Variants in TP63 observed in about 807,000 individuals in gnomAD.
TP63 encodes tumor protein p63, also known as tumor protein 63.
TP63 carries 17 observed loss-of-function variants against 82.8 expected under a neutral mutation model. That is an observed-to-expected ratio of 0.21 (90% CI 0.14 to 0.31). The LOEUF is 0.31. TP63 is among the 10% of genes least tolerant of loss of function. The pLI is 1.00. For synonymous variants in TP63, 330 were observed against 321.7 expected, an observed-to-expected ratio of 1.03 and a Z score of -0.28; for missense variants, 648 against 895.3, an observed-to-expected ratio of 0.72 and a Z score of 3.52.
intron 3 of TP63, 156 bp downstream of exon 3, chr3:189,738,930 G>A (rs911385708): frequency 6.3e-6 from 7 of 1,116,622 alleles, no homozygotes; most frequent in African/African-American, 3.1e-5. Flanking sequence ...AAGATTTGGT[G>A]TGGATTATGC....
rs77725082 is a variant in TP63 at position 189,685,794 on chromosome 3, C to T, written c.63-51946C>T. 6.2e-3 allele frequency among the ~76,000 whole-genome samples: 940 copies of T among 152,176 alleles called. 10 individuals carry two copies. Among genetic ancestry groups the T allele is most frequent in the African/African-American group, 0.022 (905 of 41,516 alleles). ...TTGTATCTTTCCAGTCATCTTACCC[C>T]AGACATGTAGGATGTGAATCAGAGG... is the stretch of plus-strand genomic sequence containing the variant. On this transcript the variant is annotated intron_variant, in intron 1 of 13. Transcript: ENST00000264731.
At chr3:189,668,288 T>C (rs116629195) in intron 1 of TP63, among the ~76,000 whole-genome samples, 5,875 of 152,116 alleles carry the variant, frequency 0.039, 144 homozygotes, top group Middle Eastern at 0.055. Context: ...CAGTATAAAA[T>C]TGAAAAAATT....
intron 4 of TP63, among the ~76,000 whole-genome samples, chr3:189,860,799 T>C (rs1241098487): frequency 1.3e-5 from 2 of 152,212 alleles, no homozygotes; most frequent in Non-Finnish European, 2.9e-5. Flanking sequence ...TGTACCACAC[T>C]GGGAATATCA....
intron 1 of TP63, among the ~76,000 whole-genome samples, chr3:189,701,662 GA>G (rs1014170692): frequency 1.3e-5 from 2 of 151,558 alleles, no homozygotes; most frequent in African/African-American, 4.8e-5. Context: ...AAATGGAGGG[GA>G]AAGTTCAAAA....
At chr3:189,770,308 G>A (rs1477355674) in intron 3 of TP63, among the ~76,000 whole-genome samples, 1 of 152,152 alleles carries the variant, frequency 6.6e-6, no homozygotes, top group Non-Finnish European at 1.5e-5. Context: ...GCCGGGTATG[G>A]TGACTCATGC....
chr3:189,777,498 C>CA (rs2108569698), intron 3 of TP63, among the ~76,000 whole-genome samples: 1 of 152,116 alleles, frequency 6.6e-6, no homozygotes, highest in Admixed American at 6.5e-5. Context: ...TGCCTGGCCT[C>CA]ACCCTGTTAT....
intron 3 of TP63, among the ~76,000 whole-genome samples, chr3:189,792,690 T>C (rs1480313735): frequency 6.6e-6 from 1 of 152,094 alleles, no homozygotes; most frequent in Non-Finnish European, 1.5e-5. Context: ...TATACGATCG[T>C]GTTCCCTTTA....
At chr3:189,637,125 C>A (rs1729833141) in intron 1 of TP63, among the ~76,000 whole-genome samples, 1 of 151,916 alleles carries the variant, frequency 6.6e-6, no homozygotes, top group African/African-American at 2.4e-5. Context: ...GCAATTTAGA[C>A]ACACCAATGA....
At chr3:189,795,732 G>A (rs1361251681) in intron 3 of TP63, among the ~76,000 whole-genome samples, 5 of 152,098 alleles carry the variant, frequency 3.3e-5, no homozygotes, top group Middle Eastern at 3.4e-3. Flanking sequence ...CACTAAGAGC[G>A]GAAACCTATA....
intron 1 of TP63, among the ~76,000 whole-genome samples, chr3:189,679,336 G>C (rs1715712177): frequency 6.6e-6 from 1 of 151,926 alleles, no homozygotes. Context: ...TCAGCTGTGA[G>C]GTGACATCTT....
At chr3:189,763,651 G>T (rs1722741557) in intron 3 of TP63, among the ~76,000 whole-genome samples, 1 of 152,142 alleles carries the variant, frequency 6.6e-6, no homozygotes, top group South Asian at 2.1e-4. Context: ...GTGGGGAGAG[G>T]TTATACTAGG....
intron 1 of TP63, among the ~76,000 whole-genome samples, chr3:189,682,720 A>G (rs1456344137): frequency 1.3e-5 from 2 of 151,780 alleles, no homozygotes; most frequent in Non-Finnish European, 2.9e-5. Context: ...GAACATTTCT[A>G]CTCAAAAGTA....
intron 3 of TP63, among the ~76,000 whole-genome samples, chr3:189,762,519 C>T (rs1722656433): frequency 6.6e-6 from 1 of 152,106 alleles, no homozygotes; most frequent in Non-Finnish European, 1.5e-5. Flanking sequence ...GACTGTGACT[C>T]ATTTTAAAAC....
chr3:189,793,938 C>G (rs1427063239), intron 3 of TP63, among the ~76,000 whole-genome samples: 1 of 151,982 alleles, frequency 6.6e-6, no homozygotes, highest in African/African-American at 2.4e-5. Context: ...CAATAGAGTA[C>G]TACATTTTGG....
intron 3 of TP63, among the ~76,000 whole-genome samples, chr3:189,779,242 A>G (rs76620542): frequency 0.014 from 2,201 of 152,252 alleles, 52 homozygotes; most frequent in African/African-American, 0.051. Context: ...TCCCTTTGTG[A>G]CATTATTACA....
At chr3:189,861,184 G>A (rs548957740) in intron 4 of TP63, among the ~76,000 whole-genome samples, 5 of 152,242 alleles carry the variant, frequency 3.3e-5, no homozygotes, top group African/African-American at 1.2e-4. Context: ...TTACAGGCAT[G>A]AGCCACTGTG....
the TP63 span, among the ~76,000 whole-genome samples, chr3:189,608,482 T>G: frequency 6.6e-6 from 1 of 152,132 alleles, no homozygotes; most frequent in Non-Finnish European, 1.5e-5. Context: ...CACAGAGAGA[T>G]AAGGCAATGG....
In TP63 at chr3:189,876,789, A is replaced by G. The variant is rs189709516; in HGVS notation, c.1349+3794A>G. ...AAATCTCCAAGAAAGAGCATGAATG[A>G]CTAAACAAAGAAAAACAAAAATCTA... is the stretch of plus-strand genomic sequence containing the variant. On this transcript the variant is annotated intron_variant, in intron 10 of 13. Coordinates refer to ENST00000264731, the MANE Select transcript of TP63 (RefSeq NM_003722.5). Among the ~76,000 whole-genome samples, 142 of 152,338 alleles carry G rather than the reference A, an allele frequency of 9.3e-4. 1 individual carries two copies. Among genetic ancestry groups the G allele is most frequent in the Non-Finnish European group, 5.9e-5 (4 of 68,020 alleles).
intron 12 of TP63, 98 bp from the exon 13 acceptor site, chr3:189,890,691 A>G (rs1446527877): frequency 2.4e-5 from 28 of 1,144,424 alleles, no homozygotes; most frequent in Non-Finnish European, 3.5e-5. Flanking sequence ...GGGGCATCCA[A>G]GGGCAAAATA....
Sources: allele counts gnomAD v4.1 joint callset (sites outside exome capture counted in the v4.1 genomes callset), GRCh38; gene constraint gnomAD v4.1.1; transcripts MANE v1.5; gene names NCBI Gene and HGNC (gene_info 2026-07-23, HGNC 2026-07-21).